PIAS2: variants seen among roughly 807,000 people sequenced by gnomAD.
The protein encoded by PIAS2 is protein inhibitor of activated STAT 2.
Under a neutral mutation model 69.7 loss-of-function variants are expected in PIAS2, and 19 were observed. The observed-to-expected ratio is 0.27, with a 90% CI of 0.19 to 0.40. PIAS2 has a LOEUF of 0.40. PIAS2 is among the 10% of genes least tolerant of loss of function. The pLI is 1.00. For synonymous variants in PIAS2, 261 were observed against 263.2 expected (o/e 0.99, Z 0.08); for missense variants, 624 against 757.0 (o/e 0.82, Z 2.06).
At chr18:46,836,247 T>C in intron 9 of PIAS2, 110 bp downstream of exon 9, 1 of 803,998 alleles carries the variant, frequency 1.2e-6, no homozygotes, top group Non-Finnish European at 2.1e-6. Flanking sequence ...TCTGGATTTA[T>C]GCTAGAGTAG....
At chr18:46,822,075 C>A (rs1418647566) in intron 11 of PIAS2, among the ~76,000 whole-genome samples, 1 of 152,196 alleles carries the variant, frequency 6.6e-6, no homozygotes, top group Non-Finnish European at 1.5e-5. Flanking sequence ...GGGATAACCT[C>A]TGGGCATCCT....
chr18:46,896,834 C>G (rs1037276054), intron 1 of PIAS2, among the ~76,000 whole-genome samples: 1 of 152,150 alleles, frequency 6.6e-6, no homozygotes, highest in African/African-American at 2.4e-5. Flanking sequence ...GTGTAATCTA[C>G]CAATATAAGA....
intron 9 of PIAS2, among the ~76,000 whole-genome samples, chr18:46,831,319 G>C (rs2043585275): frequency 1.3e-5 from 2 of 151,914 alleles, no homozygotes; most frequent in Non-Finnish European, 2.9e-5. Context: ...AACTTGACAA[G>C]AGATGTACAA....
At chr18:46,822,837 T>G (rs1359979733) in intron 11 of PIAS2, among the ~76,000 whole-genome samples, 2 of 152,338 alleles carry the variant, frequency 1.3e-5, no homozygotes, top group East Asian at 3.9e-4. Context: ...TTATTCTGGC[T>G]GTCTCAAAGT....
chr18:46,885,452 C>T (rs113556859), intron 2 of PIAS2, among the ~76,000 whole-genome samples: 15 of 150,716 alleles, frequency 1.0e-4, no homozygotes, highest in Admixed American at 5.3e-4. Flanking sequence ...ACTTGGGAGG[C>T]GGAGGTTGCA....
intron 5 of PIAS2, among the ~76,000 whole-genome samples, chr18:46,848,233 A>G (rs2046434147): frequency 1.3e-5 from 2 of 152,248 alleles, no homozygotes; most frequent in Non-Finnish European, 2.9e-5. Flanking sequence ...CACTGACACC[A>G]TTAACTGGAT....
At chr18:46,903,222 A>G (rs2056143066) in intron 1 of PIAS2, among the ~76,000 whole-genome samples, 2 of 151,824 alleles carry the variant, frequency 1.3e-5, no homozygotes, top group Non-Finnish European at 3.0e-5. Flanking sequence ...CACACAAACT[A>G]AAACCTGTGC....
At chr18:46,888,273 T>A (rs969429384) in intron 2 of PIAS2, among the ~76,000 whole-genome samples, 2 of 152,086 alleles carry the variant, frequency 1.3e-5, no homozygotes, top group Non-Finnish European at 2.9e-5. Context: ...CCCATCAGCC[T>A]ATGTGGGAAA....
At chr18:46,873,890 C>T (rs755322921) in intron 2 of PIAS2, among the ~76,000 whole-genome samples, 2 of 152,170 alleles carry the variant, frequency 1.3e-5, no homozygotes, top group Non-Finnish European at 1.5e-5. Flanking sequence ...CTTTCTCCCC[C>T]TACCGCCATT....
At chr18:46,816,616 T>C (rs2041573672) in intron 12 of PIAS2, 1 of 251,996 alleles carries the variant, frequency 4.0e-6, no homozygotes, top group Non-Finnish European at 6.3e-6. Context: ...TGTGTCACTA[T>C]GCCCAGCTAA....
chr18:46,878,284 T>A (rs1293895279), intron 2 of PIAS2, among the ~76,000 whole-genome samples: 2 of 152,174 alleles, frequency 1.3e-5, no homozygotes, highest in Non-Finnish European at 2.9e-5. Context: ...CTGAAAACAG[T>A]AAGATACTAT....
At chr18:46,865,396 C>T (rs2049281728) in intron 2 of PIAS2, among the ~76,000 whole-genome samples, 1 of 151,814 alleles carries the variant, frequency 6.6e-6, no homozygotes, top group Admixed American at 6.6e-5. Context: ...AAAAATTAGC[C>T]AGTCATGGTG....
chr18:46,814,040 T>G (rs1248080840), intron 13 of PIAS2, among the ~76,000 whole-genome samples: 1 of 152,122 alleles, frequency 6.6e-6, no homozygotes, highest in Non-Finnish European at 1.5e-5. Flanking sequence ...TTGATTGCCT[T>G]ATAGGAAAAA....
At chr18:46,899,602 G>GGACT (rs2055462923) in intron 1 of PIAS2, among the ~76,000 whole-genome samples, 1 of 152,044 alleles carries the variant, frequency 6.6e-6, no homozygotes, top group Non-Finnish European at 1.5e-5. Context: ...AGCATAACTG[G>GGACT]GACTACAAGC....
At chr18:46,856,882 A>G (rs1217967760) in intron 3 of PIAS2, among the ~76,000 whole-genome samples, 1 of 152,214 alleles carries the variant, frequency 6.6e-6, no homozygotes, top group Non-Finnish European at 1.5e-5. Flanking sequence ...ACTGGAAGGC[A>G]GTAAAGCACA....
chr18:46,883,102 G>GA (rs369493732), intron 2 of PIAS2, among the ~76,000 whole-genome samples: 2,554 of 79,182 alleles, frequency 0.032, 55 homozygotes, highest in African/African-American at 0.094. Context: ...CGTCTCAAAA[G>GA]AAAAAAAAAA....
At position 46,807,327 on chromosome 18, in the gene PIAS2, C is replaced by T. The variant is rs1451938909; in HGVS notation, c.*5106G>A. On this transcript the variant is annotated 3_prime_UTR_variant, in exon 14 of 14. Coordinates refer to ENST00000585916, the MANE Select transcript of PIAS2 (RefSeq NM_004671.5). ...CATGGGAAAAGCTTGGATAGCCATA[C>T]GTAGGTGTTTCTGAAACATGTCAGA... 4 of 115,092 alleles carry T rather than the reference C, an allele frequency of 3.5e-5. No homozygotes were observed. Among genetic ancestry groups the T allele is most frequent in the Non-Finnish European group, 5.1e-5 (3 of 59,320 alleles). 7.1% of individuals were successfully genotyped at this position (115,092 alleles called of 1,614,324 possible).
intron 2 of PIAS2, among the ~76,000 whole-genome samples, chr18:46,866,187 T>A (rs1395050158): frequency 6.6e-6 from 1 of 152,188 alleles, no homozygotes; most frequent in Non-Finnish European, 1.5e-5. Context: ...TAATTCTACC[T>A]TTGATGGAGG....
rs1048239731 is a variant in PIAS2 at position 46,808,295 on chromosome 18, A to T, written c.*4138T>A. 1 of 152,240 alleles carries T rather than the reference A, an allele frequency of 6.6e-6. No homozygotes were observed. Among genetic ancestry groups the T allele is most frequent in the African/African-American group, 2.4e-5 (1 of 41,460 alleles). The allele number at this position is 152,240 out of a possible 1,614,324, so 9.4% of individuals were successfully genotyped here. On this transcript the variant is annotated 3_prime_UTR_variant, in exon 14 of 14. Coordinates refer to ENST00000585916, the MANE Select transcript of PIAS2 (RefSeq NM_004671.5). ...CTGGTGACAGAATCATAGGCAATTAATTGTTATACTTTTCTGTATTGTCTA... is the reference window on the plus strand; with the variant it reads ...CTGGTGACAGAATCATAGGCAATTATTTGTTATACTTTTCTGTATTGTCTA...
Sources: gnomAD v4.1 joint callset for allele counts (sites outside exome capture counted in the v4.1 genomes callset) on GRCh38, gnomAD v4.1.1 for gene constraint, MANE v1.5 for transcripts, NCBI Gene and HGNC (gene_info 2026-07-23, HGNC 2026-07-21) for gene names.